PHF20: variants seen among roughly 807,000 people sequenced by gnomAD.
PHF20 encodes PHD finger protein 20, also known as glioma-expressed antigen 2.
In PHF20, 23 loss-of-function variants were observed where a neutral mutation model predicts 113.5. That is an observed-to-expected ratio of 0.20 (90% confidence interval 0.15 to 0.29). The LOEUF (loss-of-function observed/expected upper bound fraction) is 0.29, where lower values mean the gene tolerates loss of function less well. PHF20 is among the 10% of genes least tolerant of loss of function. The probability of loss-of-function intolerance (pLI) is 1.00; values close to 1 mark genes in which losing one functional copy is unlikely to be tolerated. For missense variants in PHF20, 943 were observed against 1,219.6 expected (o/e 0.77, Z 3.38); for synonymous variants, 434 against 457.3 (o/e 0.95, Z 0.65).
chr20:35,890,555 A>G (rs143806758), intron 9 of PHF20, among the ~76,000 whole-genome samples: 1 of 152,274 alleles, frequency 6.6e-6, no homozygotes, highest in East Asian at 1.9e-4. Flanking sequence ...AATAATGACA[A>G]ATAATATTCA....
intron 3 of PHF20, among the ~76,000 whole-genome samples, chr20:35,846,061 G>A (rs934275918): frequency 3.3e-5 from 5 of 151,904 alleles, no homozygotes; most frequent in African/African-American, 7.3e-5. Context: ...CACTGTGTCC[G>A]GCTTATTTTC....
chr20:35,944,892 C>T (rs917052550), intron 17 of PHF20, among the ~76,000 whole-genome samples: 3 of 152,190 alleles, frequency 2.0e-5, no homozygotes, highest in African/African-American at 7.2e-5. Context: ...GTTTGCTGAA[C>T]AGTCCCCTGT....
At chr20:35,866,150 C>T (rs1314116408) in intron 6 of PHF20, among the ~76,000 whole-genome samples, 1 of 152,108 alleles carries the variant, frequency 6.6e-6, no homozygotes, top group Non-Finnish European at 1.5e-5. Context: ...GCAGAGGTTA[C>T]AGTGAGCCGA....
At chr20:35,924,367 TA>T (rs2055582660) in intron 13 of PHF20, among the ~76,000 whole-genome samples, 2 of 151,552 alleles carry the variant, frequency 1.3e-5, no homozygotes, top group Admixed American at 6.6e-5. Flanking sequence ...GCTAATTTTG[TA>T]TTTTTAGTAG....
At position 35,928,220 on chromosome 20, in the gene PHF20, A is replaced by G. The variant is rs148354241; in HGVS notation, c.2104+341A>G. ...TTGGGAGGCCAAGGCGGGTGAATCA[A>G]CTGAGATCAGGAGTTCGAGACCAGC... On this transcript the variant is annotated intron_variant, in intron 14 of 17. Coordinates refer to ENST00000374012, the MANE Select transcript of PHF20 (RefSeq NM_016436.5). 5.2e-3 allele frequency among the ~76,000 whole-genome samples: 792 copies of G among 151,822 alleles called. 9 individuals carry two copies. Among genetic ancestry groups the G allele is most frequent in the African/African-American group, 0.018 (758 of 41,518 alleles).
At chr20:35,892,674 A>G (rs915176010) in intron 9 of PHF20, among the ~76,000 whole-genome samples, 4 of 152,186 alleles carry the variant, frequency 2.6e-5, no homozygotes, top group Admixed American at 2.6e-4. Context: ...ATTATAGCAA[A>G]TTGTGTAATT....
chr20:35,926,429 CG>C (rs371983886), intron 13 of PHF20, among the ~76,000 whole-genome samples: 29 of 151,596 alleles, frequency 1.9e-4, no homozygotes, highest in African/African-American at 7.0e-4. Context: ...TTAGTAGAGA[CG>C]GGGTTTCACT....
chr20:35,773,950 A>G (rs530993543), intron 1 of PHF20, among the ~76,000 whole-genome samples: 27 of 151,880 alleles, frequency 1.8e-4, no homozygotes, highest in Non-Finnish European at 3.7e-4. Flanking sequence ...TCTTCCCTAT[A>G]TTGGCTTTCT....
chr20:35,798,419 A>G (rs1190280874), intron 1 of PHF20, among the ~76,000 whole-genome samples: 1 of 152,126 alleles, frequency 6.6e-6, no homozygotes, highest in Non-Finnish European at 1.5e-5. Flanking sequence ...CTTGTCTCCA[A>G]AAAAATAAAT....
intron 15 of PHF20, among the ~76,000 whole-genome samples, chr20:35,935,261 G>A (rs928416121): frequency 4.6e-5 from 7 of 152,080 alleles, no homozygotes; most frequent in Middle Eastern, 3.4e-3. Flanking sequence ...GACTATAGGC[G>A]CCTGCATTTC....
At chr20:35,806,245 T>G (rs2041879478) in intron 2 of PHF20, among the ~76,000 whole-genome samples, 1 of 150,446 alleles carries the variant, frequency 6.6e-6, no homozygotes, top group South Asian at 2.1e-4. Context: ...ATTGCAGCCT[T>G]GACTTCCAGG....
intron 12 of PHF20, among the ~76,000 whole-genome samples, chr20:35,916,789 T>A (rs1245616833): frequency 6.6e-6 from 1 of 152,088 alleles, no homozygotes; most frequent in Non-Finnish European, 1.5e-5. Context: ...TGAGACAAAG[T>A]CTCACGCTGT....
At chr20:35,841,302 C>T (rs1488739500) in intron 2 of PHF20, among the ~76,000 whole-genome samples, 1 of 152,030 alleles carries the variant, frequency 6.6e-6, no homozygotes, top group African/African-American at 2.4e-5. Flanking sequence ...GAGATCACGC[C>T]ACTGTACTTC....
chr20:35,844,187 C>G (rs1340871949), intron 3 of PHF20, among the ~76,000 whole-genome samples: 2 of 152,038 alleles, frequency 1.3e-5, no homozygotes, highest in Admixed American at 6.6e-5. Flanking sequence ...ACTGCAACCT[C>G]CATCTCCTGG....
intron 17 of PHF20, among the ~76,000 whole-genome samples, chr20:35,943,560 T>C (rs551681315): frequency 6.6e-6 from 1 of 151,770 alleles, no homozygotes; most frequent in East Asian, 1.9e-4. Flanking sequence ...TATGCCATTG[T>C]TTTACAATTG....
At chr20:35,776,007 G>A (rs748261236) in intron 1 of PHF20, among the ~76,000 whole-genome samples, 5 of 151,996 alleles carry the variant, frequency 3.3e-5, no homozygotes, top group Non-Finnish European at 7.4e-5. Flanking sequence ...ATGAGATCTT[G>A]CCATTTTGCC....
chr20:35,934,986 G>A (rs558059865), intron 15 of PHF20, among the ~76,000 whole-genome samples: 3 of 152,194 alleles, frequency 2.0e-5, no homozygotes, highest in African/African-American at 7.2e-5. Context: ...AAACCTCAGG[G>A]GCTGCTCCTG....
At chr20:35,785,622 G>A (rs952887268) in intron 1 of PHF20, among the ~76,000 whole-genome samples, 1 of 151,876 alleles carries the variant, frequency 6.6e-6, no homozygotes, top group Non-Finnish European at 1.5e-5. Flanking sequence ...ACCCTGCCAA[G>A]ATAAGGGAAT....
Position 35,871,665 on chromosome 20 carries a change from C to T in PHF20, c.1118C>T (p.Ala373Val). The change falls in exon 9 of 18, where the codon GCT becomes GTT. Residue 373 changes from alanine to valine, a missense_variant. Physicochemically the swap from Ala to Val is moderately conservative, Grantham distance 64. Around this residue, in one of 3 missense-constraint regions of PHF20, gnomAD observed 592 missense variants for 787.2 expected, o/e 0.75. Coordinates refer to ENST00000374012, the MANE Select transcript of PHF20 (RefSeq NM_016436.5). ...KESEEGQLKS[A>V]LEAGQVSSAL... ...TTTCTTCTAGGTCAGTTGAAGTCTGCTTTGGAAGCTGGCCAGGTCTCATCT... is the reference window on the plus strand; with the variant it reads ...TTTCTTCTAGGTCAGTTGAAGTCTGTTTTGGAAGCTGGCCAGGTCTCATCT... The T allele has an allele frequency of 6.3e-7, 1 of 1,599,532 alleles. No homozygotes were observed. The highest frequency in any genetic ancestry group is 2.2e-5 in the East Asian group (1 of 44,672).
Sources: gnomAD v4.1 joint callset for allele counts (sites outside exome capture counted in the v4.1 genomes callset) on GRCh38, gnomAD v4.1.1 for gene constraint, gnomAD v4.1.1 regional missense constraint, MANE v1.5 for transcripts, NCBI Gene and HGNC (gene_info 2026-07-23, HGNC 2026-07-21) for gene names.